MRPS23: variants seen among roughly 807,000 people sequenced by gnomAD.
MRPS23 encodes the protein mitochondrial ribosomal protein S23, also known as small ribosomal subunit protein mS23.
MRPS23 carries 14 observed loss-of-function variants against 19.8 expected under a neutral mutation model. That is an observed-to-expected ratio of 0.71 (90% CI 0.47 to 1.11). MRPS23 has a LOEUF of 1.11. MRPS23 is among the 50% of genes least tolerant of loss of function. MRPS23 has a pLI of 0.00. For synonymous variants in MRPS23, 113 were observed against 89.7 expected (o/e 1.26, Z -1.47); for missense variants, 242 against 236.7 (o/e 1.02, Z -0.15).
In MRPS23 at chr17:57,839,685, G is replaced by A. The variant is rs2073728226; in HGVS notation, c.*98C>T. On this transcript the variant is annotated 3_prime_UTR_variant, in exon 5 of 5. Coordinates refer to ENST00000313608, the MANE Select transcript of MRPS23 (RefSeq NM_016070.4). ...GAGAAGGCAAACATAATACCTTAGA[G>A]ATCAAGAAACATTTACACAGTTCAA... The A allele has an allele frequency of 2.1e-6, 3 of 1,427,938 alleles. No homozygotes were observed. The highest frequency in any genetic ancestry group is 2.8e-6 in the Non-Finnish European group (3 of 1,059,006). 88.5% of individuals were successfully genotyped at this position (1,427,938 alleles called of 1,614,324 possible). A position where few individuals can be genotyped will look rare whatever the true frequency, so the allele number is the denominator to read the frequency against.
intron 2 of MRPS23, among the ~76,000 whole-genome samples, chr17:57,844,317 T>C (rs1414571758): frequency 1.3e-5 from 2 of 150,188 alleles, no homozygotes; most frequent in East Asian, 3.9e-4. Flanking sequence ...TTTTTAAATA[T>C]CAAAACCACC....
chr17:57,846,809 C>G (rs1396451430), intron 2 of MRPS23, among the ~76,000 whole-genome samples: 1 of 151,990 alleles, frequency 6.6e-6, no homozygotes, highest in African/African-American at 2.4e-5. Flanking sequence ...CCTAGGAAAA[C>G]CAGACACCCT....
chr17:57,847,941 C>T (rs2073787335), intron 2 of MRPS23, among the ~76,000 whole-genome samples: 1 of 151,996 alleles, frequency 6.6e-6, no homozygotes, highest in Admixed American at 6.5e-5. Flanking sequence ...AGGCAATCTG[C>T]CCACCTCAGC....
chr17:57,846,916 A>T (rs1441974417), intron 2 of MRPS23, among the ~76,000 whole-genome samples: 2 of 146,552 alleles, frequency 1.4e-5, no homozygotes, highest in Non-Finnish European at 3.1e-5. Context: ...ATCAATAAAT[A>T]CTATAAAAAA....
chr17:57,839,861 G>A lies in MRPS23; in HGVS notation c.495C>T (p.Asn165=), dbSNP rs751810760. The A allele has an allele frequency of 4.5e-5, 72 of 1,614,082 alleles. No individual in the cohort carries two copies. The highest frequency in any genetic ancestry group is 1.3e-4 in the Admixed American group (8 of 60,006). ...CCTGTGGAACTTCTTTCTGAGTCTC[G>A]TTTTCTTCCAACGCAGTCTGTGGTC... ...SVRPQTALEE[N]ETQKEVPQDQ... Residue 165 remains asparagine (N), a synonymous_variant, in exon 5 of 5, where the codon AAC becomes AAT. Coordinates refer to ENST00000313608, the MANE Select transcript of MRPS23 (RefSeq NM_016070.4).
chr17:57,850,021 T>G lies in MRPS23; in HGVS notation c.-11A>C, dbSNP rs781739113. The stretch of plus-strand genomic sequence containing the variant: ...CCGGCTGCCTGCCATGATCTGCGCC[T>G]GGTACCGAGCGTGACTAGCTGCTAC... On this transcript the variant is annotated 5_prime_UTR_variant, in exon 1 of 5. Coordinates refer to ENST00000313608, the MANE Select transcript of MRPS23 (RefSeq NM_016070.4). The G allele has an allele frequency of 6.3e-7, 1 of 1,591,120 alleles. No individual in the cohort carries two copies. The highest frequency in any genetic ancestry group is 1.3e-5 in the African/African-American group (1 of 74,358).
rs2073705963 is a variant in MRPS23, at chr17:57,836,365, C to T, written c.*3418G>A. On this transcript the variant is annotated 3_prime_UTR_variant, in exon 5 of 5. Transcript: ENST00000313608. ...ACAGCAGTGAAGCACCTTATGAACACAATCTGTAGGGGGTTCAGTAAGGGA... is the reference window on the plus strand; with the variant it reads ...ACAGCAGTGAAGCACCTTATGAACATAATCTGTAGGGGGTTCAGTAAGGGA... 2 of 152,298 alleles carry T rather than the reference C, an allele frequency of 1.3e-5. No homozygotes were observed. Among genetic ancestry groups the T allele is most frequent in the Non-Finnish European group, 2.9e-5 (2 of 68,032 alleles). The allele number at this position is 152,298 out of a possible 1,614,324, so 9.4% of individuals were successfully genotyped here. A position where few individuals can be genotyped will look rare whatever the true frequency, so the allele number is the denominator to read the frequency against.
At position 57,838,950 on chromosome 17, in the gene MRPS23, G is replaced by C. The variant is rs2073723967; in HGVS notation, c.*833C>G. On this transcript the variant is annotated 3_prime_UTR_variant, in exon 5 of 5. Transcript: ENST00000313608. Reference sequence around the variant, plus strand: ...CTCAGAGGGATATTTCATGTATTTAGTAAAACCTGGGGAAACGAGGAAGGC... The same window carrying C: ...CTCAGAGGGATATTTCATGTATTTACTAAAACCTGGGGAAACGAGGAAGGC... The C allele has an allele frequency of 6.6e-6, 1 of 152,234 alleles. No individual in the cohort carries two copies. The highest frequency in any genetic ancestry group is 2.4e-5 in the African/African-American group (1 of 41,456). The allele number at this position is 152,234 out of a possible 1,614,324, so 9.4% of individuals were successfully genotyped here.
intron 2 of MRPS23, among the ~76,000 whole-genome samples, chr17:57,842,864 T>TA (rs746598526): frequency 0.24 from 19,218 of 78,892 alleles, 3,745 homozygotes; most frequent in East Asian, 0.69. Context: ...ACCCTGTCTC[T>TA]AAAAAAAAAA....
chr17:57,848,248 T>G (rs757656233), intron 2 of MRPS23, among the ~76,000 whole-genome samples: 1 of 152,074 alleles, frequency 6.6e-6, no homozygotes, highest in Non-Finnish European at 1.5e-5. Context: ...GCTTTCTTTG[T>G]GTATCTAAAT....
At position 57,838,284 on chromosome 17, in the gene MRPS23, C is replaced by A. The variant is rs1183683776; in HGVS notation, c.*1499G>T. ...CAGCCTGGGAAACAAAGTGATACTC[C>A]ATCGCAAAAAAAAAAAAAAAAAAAA... On this transcript the variant is annotated 3_prime_UTR_variant, in exon 5 of 5. Coordinates refer to ENST00000313608, the MANE Select transcript of MRPS23 (RefSeq NM_016070.4). The A allele has an allele frequency of 1.2e-4, 2 of 17,344 alleles. No homozygotes were observed. Among genetic ancestry groups the A allele is most frequent in the Admixed American group, 1.9e-3 (2 of 1,068 alleles). The allele number at this position is 17,344 out of a possible 1,614,324, so 1.1% of individuals were successfully genotyped here. A position where few individuals can be genotyped will look rare whatever the true frequency, so the allele number is the denominator to read the frequency against.
chr17:57,848,453 C>T (rs2073790562), intron 2 of MRPS23, among the ~76,000 whole-genome samples: 1 of 152,002 alleles, frequency 6.6e-6, no homozygotes, highest in Admixed American at 6.6e-5. Context: ...CGGCTCACTG[C>T]AACCTCCACC....
At chr17:57,840,774 T>C in intron 4 of MRPS23, 152 bp downstream of exon 4, 1 of 824,450 alleles carries the variant, frequency 1.2e-6, no homozygotes, top group Non-Finnish European at 1.8e-6. Flanking sequence ...TGGGAGGATA[T>C]GTGTAGGTTA....
At chr17:57,843,803 G>T (rs1308740363) in intron 2 of MRPS23, among the ~76,000 whole-genome samples, 2 of 152,156 alleles carry the variant, frequency 1.3e-5, no homozygotes, top group East Asian at 3.8e-4. Context: ...TTACACAGTG[G>T]TCTCTTTCTT....
At chr17:57,840,007 A>T in intron 4 of MRPS23, 72 bp from the exon 5 acceptor site, 5 of 1,558,166 alleles carry the variant, frequency 3.2e-6, no homozygotes, top group Non-Finnish European at 4.4e-6. Flanking sequence ...AAGATATATA[A>T]CTAGGCACAT....
chr17:57,846,525 T>C (rs569832506), intron 2 of MRPS23, among the ~76,000 whole-genome samples: 2 of 152,292 alleles, frequency 1.3e-5, no homozygotes, highest in South Asian at 2.1e-4. Flanking sequence ...ACTGTGTCTG[T>C]GTGGAAAGAG....
chr17:57,838,389 A>G lies in MRPS23; in HGVS notation c.*1394T>C, dbSNP rs1301208214. 1 of 151,936 alleles carries G rather than the reference A, an allele frequency of 6.6e-6. No individual in the cohort carries two copies. Among genetic ancestry groups the G allele is most frequent in the African/African-American group, 2.4e-5 (1 of 41,324 alleles). 9.4% of individuals were successfully genotyped at this position (151,936 alleles called of 1,614,324 possible). A position where few individuals can be genotyped will look rare whatever the true frequency, so the allele number is the denominator to read the frequency against. On this transcript the variant is annotated 3_prime_UTR_variant, in exon 5 of 5. Transcript: ENST00000313608. ...GACATCAATCCAGACATGAAGGAAA[A>G]AAACATTTTTTAAATATTCATCATT... is the stretch of plus-strand genomic sequence containing the variant.
intron 4 of MRPS23, among the ~76,000 whole-genome samples, chr17:57,840,386 CAA>C (rs35485204): frequency 9.3e-4 from 119 of 128,544 alleles, no homozygotes; most frequent in Admixed American, 1.9e-3. Flanking sequence ...GACTCCGTCT[CAA>C]AAAAAAAAAA....
rs763033855 is a variant in MRPS23 at position 57,839,925 on chromosome 17, C to T, written c.431G>A (p.Gly144Asp). ...RVGEARTQHG[G>D]SHVSRKSEHL... ...TTCGGATTTCCGGGAAACGTGACTA[C>T]CTCCGTGTTGCTTAAAAGACCAGAT... is the stretch of plus-strand genomic sequence containing the variant. Residue 144 changes from glycine (G) to aspartate (D), a missense_variant, in exon 5 of 5, where the codon GGT (glycine) becomes GAT (aspartate). Physicochemically the swap from Gly to Asp is moderately conservative, Grantham distance 94. Coordinates refer to ENST00000313608, the MANE Select transcript of MRPS23 (RefSeq NM_016070.4). 6.2e-7 allele frequency: 1 copy of T among 1,614,168 alleles called. No individual in the cohort carries two copies. The highest frequency in any genetic ancestry group is 1.7e-5 in the Admixed American group (1 of 60,024).
Sources: allele counts gnomAD v4.1 joint callset (sites outside exome capture counted in the v4.1 genomes callset), GRCh38; gene constraint gnomAD v4.1.1; transcripts MANE v1.5; gene names NCBI Gene and HGNC (gene_info 2026-07-23, HGNC 2026-07-21).